TTC16: variants seen among roughly 807,000 people sequenced by gnomAD.
TTC16 encodes tetratricopeptide repeat protein 16.
In TTC16, 66 loss-of-function variants were observed where a neutral mutation model predicts 80.4. That is an observed-to-expected ratio of 0.82 (90% CI 0.67 to 1.01). TTC16 has a LOEUF of 1.01. Among genes scored for constraint, TTC16 ranks in the 50% least tolerant of loss-of-function variants. The pLI is 0.00. For synonymous variants in TTC16, 438 were observed against 451.3 expected, an observed-to-expected ratio of 0.97 and a Z score of 0.37; for missense variants, 1,070 against 1,103.2, an observed-to-expected ratio of 0.97 and a Z score of 0.43.
At chr9:127,725,335 C>A (rs894286226) in intron 9 of TTC16, among the ~76,000 whole-genome samples, 1 of 151,124 alleles carries the variant, frequency 6.6e-6, no homozygotes, top group Non-Finnish European at 1.5e-5. Flanking sequence ...GAGGCCGAGG[C>A]GGGCGGATCA....
Position 127,730,711 on chromosome 9 carries a change from T to C in TTC16, c.1928T>C (p.Val643Ala). ...QEYRSTSATA[V>A]TFSDSSLLKT... ...TACAGGAGCACCTCAGCCACCGCCG[T>C]GACATTCTCTGACTCGTCACTGTTG... The change falls in exon 14 of 14, where the codon GTG becomes GCG. Residue 643 changes from valine to alanine, a missense_variant. Val to Ala is a moderately conservative substitution (Grantham distance 64). Transcript: ENST00000373289. 1 of 1,613,452 alleles carries C rather than the reference T, an allele frequency of 6.2e-7. No individual in the cohort carries two copies. Among genetic ancestry groups the C allele is most frequent in the Non-Finnish European group, 8.5e-7 (1 of 1,180,030 alleles).
chr9:127,721,499 G>A (rs1843507433), intron 6 of TTC16, among the ~76,000 whole-genome samples: 1 of 151,198 alleles, frequency 6.6e-6, no homozygotes, highest in East Asian at 2.0e-4. Context: ...GGGAGGAGCA[G>A]GTGGGCGGGG....
rs368982275 is a variant in TTC16 at position 127,716,836 on chromosome 9, G to A, written c.19-8G>A. Reference sequence around the variant, plus strand: ...GGCCTGCTCCAGCTTGCTGTCCTTCGGTTCTAGGATGCCCTGAAGGTTGAC... The same window carrying A: ...GGCCTGCTCCAGCTTGCTGTCCTTCAGTTCTAGGATGCCCTGAAGGTTGAC... On this transcript the variant is annotated splice_polypyrimidine_tract_variant and splice_region_variant and intron_variant, in intron 1 of 13. Transcript: ENST00000373289. 14 of 1,599,504 alleles carry A rather than the reference G, an allele frequency of 8.8e-6. No individual in the cohort carries two copies. Among genetic ancestry groups the A allele is most frequent in the African/African-American group, 1.3e-5 (1 of 74,626 alleles).
intron 9 of TTC16, among the ~76,000 whole-genome samples, chr9:127,725,502 T>G (rs1588447908): frequency 1.8e-5 from 2 of 112,090 alleles, no homozygotes; most frequent in African/African-American, 3.4e-5. Context: ...AGGTGGAGCT[T>G]GCAGTGAGCC....
chr9:127,716,123 G>A lies in TTC16; in HGVS notation c.-23G>A, dbSNP rs551780606. 2.3e-4 allele frequency: 379 copies of A among 1,613,970 alleles called. 4 individuals are homozygous for A. The South Asian group carries it at 3.9e-3, about 17-fold the overall frequency. ...CCGCGAGGTAGTTGGCAGAGGCCTCGGGGTCCTCCTGGAAGGGGCCTCATG... is the reference window on the plus strand; with the variant it reads ...CCGCGAGGTAGTTGGCAGAGGCCTCAGGGTCCTCCTGGAAGGGGCCTCATG... On this transcript the variant is annotated 5_prime_UTR_variant, in exon 1 of 14. Transcript: ENST00000373289.
In TTC16 at chr9:127,724,347, T is replaced by C; in HGVS notation, c.1100T>C (p.Leu367Pro). Residue 367 changes from leucine (L) to proline (P), a missense_variant, in exon 8 of 14, where the codon CTC becomes CCC. By Grantham distance (98) the Leu-to-Pro change is moderately conservative (BLOSUM62 -3). Transcript: ENST00000373289. ...ALRDEQQEKG[L>P]YINRGDCFFQ... ...CGGGACGAGCAGCAGGAGAAAGGACTCTACATCAACCGAGGCGGTGCGCAG... is the reference window on the plus strand; with the variant it reads ...CGGGACGAGCAGCAGGAGAAAGGACCCTACATCAACCGAGGCGGTGCGCAG... The C allele has an allele frequency of 6.2e-7, 1 of 1,609,590 alleles. No individual in the cohort carries two copies. Among genetic ancestry groups the C allele is most frequent in the Non-Finnish European group, 8.5e-7 (1 of 1,178,464 alleles).
chr9:127,729,730 A>C, intron 13 of TTC16, 62 bp downstream of exon 13: 12 of 1,516,410 alleles, frequency 7.9e-6, no homozygotes, highest in Non-Finnish European at 1.1e-5. Flanking sequence ...GTCAAAGCTC[A>C]GGGGTCGAAG....
intron 1 of TTC16, 134 bp from the exon 2 acceptor site, chr9:127,716,710 G>A: frequency 8.2e-7 from 1 of 1,219,252 alleles, no homozygotes; most frequent in Non-Finnish European, 1.1e-6. Flanking sequence ...AGCGCCACCG[G>A]AACCCCGAGT....
In TTC16 at chr9:127,720,177, T is replaced by C; in HGVS notation, c.526T>C (p.Cys176Arg). The C allele has an allele frequency of 1.2e-6, 2 of 1,613,742 alleles. No individual in the cohort carries two copies. Among genetic ancestry groups the C allele is most frequent in the Non-Finnish European group, 1.7e-6 (2 of 1,179,986 alleles). Reference protein sequence around the residue: ...QPEKPCFRYRCMACLLALKQH... With the variant: ...QPEKPCFRYRRMACLLALKQH... ...TGAGAAACCATGCTTCCGTTACCGA[T>C]GGTGAGTGCCCCTGCCAGCCCCTTC... The change falls in exon 5 of 14, where the codon TGC becomes CGC. Residue 176 changes from cysteine to arginine, a missense_variant and splice_region_variant. Cys to Arg is a radical substitution (Grantham distance 180). Coordinates refer to ENST00000373289, the MANE Select transcript of TTC16 (RefSeq NM_144965.3).
chr9:127,716,791 T>C (rs1161783936), intron 1 of TTC16, 53 bp from the exon 2 acceptor site: 26 of 1,562,260 alleles, frequency 1.7e-5, no homozygotes, highest in Non-Finnish European at 2.1e-5. Context: ...AGTGTGTCAG[T>C]GGGTGGGGGT....
chr9:127,728,118 T>A (rs903147784), intron 12 of TTC16: 1 of 152,226 alleles, frequency 6.6e-6, no homozygotes, highest in African/African-American at 2.4e-5. Context: ...AAGTACCGGT[T>A]TGATGAATTT....
chr9:127,724,602 C>A (rs1282530397), intron 8 of TTC16, 154 bp from the exon 9 acceptor site: 1 of 1,177,246 alleles, frequency 8.5e-7, no homozygotes, highest in Non-Finnish European at 1.2e-6. Context: ...GGGAACAGTG[C>A]CCAGACGCCC....
At chr9:127,716,286 C>A in intron 1 of TTC16, 123 bp downstream of exon 1, 1 of 1,423,358 alleles carries the variant, frequency 7.0e-7, no homozygotes, top group Non-Finnish European at 9.9e-7. Context: ...AGGGAAGGCC[C>A]TGGCCGCCAT....
Position 127,726,422 on chromosome 9 carries a change from C to T in TTC16, c.1425+18C>T. On this transcript the variant is annotated intron_variant, in intron 10 of 13. Coordinates refer to ENST00000373289, the MANE Select transcript of TTC16 (RefSeq NM_144965.3). ...AACCAAAGGTAGGTTCCTGCCACGT[C>T]AGGAGTGTAGGCTCCGGAGTCATGC... 1 of 1,575,746 alleles carries T rather than the reference C, an allele frequency of 6.3e-7. No homozygotes were observed. The highest frequency in any genetic ancestry group is 8.7e-7 in the Non-Finnish European group (1 of 1,155,760).
chr9:127,722,714 G>A lies in TTC16; in HGVS notation c.658-405G>A, dbSNP rs767654162. Among the ~76,000 whole-genome samples, 1 of 152,104 alleles carries A rather than the reference G, an allele frequency of 6.6e-6. No individual in the cohort carries two copies. Among genetic ancestry groups the A allele is most frequent in the Non-Finnish European group, 1.5e-5 (1 of 68,000 alleles). On this transcript the variant is annotated intron_variant, in intron 6 of 13. Transcript: ENST00000373289. The surrounding 1 kb of genome is among the most constrained non-coding windows in gnomAD (Gnocchi z 4.2). ...CTCAAACCTGTAATCCCAGCACTTCGGGAGGCCAAGGTGGGCGGATCACCT... is the reference window on the plus strand; with the variant it reads ...CTCAAACCTGTAATCCCAGCACTTCAGGAGGCCAAGGTGGGCGGATCACCT...
chr9:127,729,549 A>C, intron 12 of TTC16, 32 bp from the exon 13 acceptor site: 1 of 1,599,054 alleles, frequency 6.3e-7, no homozygotes, highest in South Asian at 1.1e-5. Context: ...GCCTCCTACC[A>C]TCTGAACTAC....
chr9:127,716,424 T>G (rs1588411075), intron 1 of TTC16: 1 of 594,604 alleles, frequency 1.7e-6, no homozygotes, highest in Non-Finnish European at 3.0e-6. Flanking sequence ...AGAAGTCAGG[T>G]GAGGTGCTCA....
chr9:127,717,230 C>T (rs1345664349), intron 2 of TTC16, 104 bp from the exon 3 acceptor site: 2 of 1,267,076 alleles, frequency 1.6e-6, no homozygotes, highest in Admixed American at 3.8e-5. Context: ...CCTCCTGCCT[C>T]TCCACCCAGC....
chr9:127,720,258 G>A lies in TTC16; in HGVS notation c.528-8G>A. On this transcript the variant is annotated splice_polypyrimidine_tract_variant and splice_region_variant and intron_variant, in intron 5 of 13. Coordinates refer to ENST00000373289, the MANE Select transcript of TTC16 (RefSeq NM_144965.3). ...GGGAAACGAGCACTCTGTGCCCTCT[G>A]CCCTCAGCATGGCCTGTCTCCTGGC... 6.2e-7 allele frequency: 1 copy of A among 1,613,360 alleles called. No homozygotes were observed. The highest frequency in any genetic ancestry group is 1.7e-5 in the Admixed American group (1 of 60,008).
Sources: allele counts gnomAD v4.1 joint callset (sites outside exome capture counted in the v4.1 genomes callset), GRCh38; gene constraint gnomAD v4.1.1; non-coding constraint Gnocchi (gnomAD v3.1); transcripts MANE v1.5; gene names NCBI Gene and HGNC (gene_info 2026-07-23, HGNC 2026-07-21).